Variants in SASH1 observed in about 807,000 individuals in gnomAD.
SASH1 encodes the protein SAM and SH3 domain containing 1.
SASH1 carries 44 observed loss-of-function variants against 125.2 expected under a neutral mutation model. The observed-to-expected ratio is 0.35, with a 90% CI of 0.28 to 0.45. The LOEUF (loss-of-function observed/expected upper bound fraction) is 0.45, where lower values mean the gene tolerates loss of function less well. Among genes scored for constraint, SASH1 ranks in the 20% least tolerant of loss-of-function variants. The pLI, the probability that SASH1 is intolerant of heterozygous loss-of-function variation, is 1.00. For synonymous variants in SASH1, 639 were observed against 649.1 expected (o/e 0.98, Z 0.24); for missense variants, 1,426 against 1,614.5 (o/e 0.88, Z 2.00).
At chr6:148,429,838 G>A (rs1775991672) in intron 2 of SASH1, among the ~76,000 whole-genome samples, 1 of 152,134 alleles carries the variant, frequency 6.6e-6, no homozygotes, top group Non-Finnish European at 1.5e-5. Flanking sequence ...GCTGTAGAAA[G>A]TAACATTCTC....
chr6:148,294,850 C>T (rs1345236504), intron 1 of SASH1, among the ~76,000 whole-genome samples: 1 of 152,130 alleles, frequency 6.6e-6, no homozygotes, highest in Non-Finnish European at 1.5e-5. Context: ...GGTTCCACAG[C>T]TCAGTAAGGT....
intron 7 of SASH1, among the ~76,000 whole-genome samples, chr6:148,483,404 A>G (rs1002260295): frequency 6.6e-6 from 1 of 152,196 alleles, no homozygotes; most frequent in African/African-American, 2.4e-5. Flanking sequence ...TCCATCCCCA[A>G]TATTGGAATT....
chr6:148,434,437 T>G (rs1006494578), intron 2 of SASH1, among the ~76,000 whole-genome samples: 1 of 152,234 alleles, frequency 6.6e-6, no homozygotes, highest in African/African-American at 2.4e-5. Flanking sequence ...GACTACATGC[T>G]TGTAAAAAAA....
At chr6:148,273,002 A>G (rs1236302963) in intron 1 of SASH1, among the ~76,000 whole-genome samples, 1 of 152,106 alleles carries the variant, frequency 6.6e-6, no homozygotes, top group African/African-American at 2.4e-5. Context: ...GCTCATGCCT[A>G]TAATCCCAGA....
chr6:148,487,486 C>A, intron 7 of SASH1, 128 bp from the exon 8 acceptor site: 1 of 676,158 alleles, frequency 1.5e-6, no homozygotes, highest in East Asian at 2.7e-5. Context: ...AAAGTGATCT[C>A]TGTGCTGCGT....
chr6:148,248,483 T>C, the SASH1 span, among the ~76,000 whole-genome samples: 1 of 152,184 alleles, frequency 6.6e-6, no homozygotes, highest in Non-Finnish European at 1.5e-5. Context: ...AGGGTACAAG[T>C]CCTCAAAATC....
At chr6:148,312,990 T>C (rs1348560208) in intron 1 of SASH1, among the ~76,000 whole-genome samples, 2 of 151,806 alleles carry the variant, frequency 1.3e-5, no homozygotes, top group Non-Finnish European at 2.9e-5. Flanking sequence ...TGTGCAAGGA[T>C]TGAGGAGGGA....
chr6:148,284,389 A>C (rs1779429357), intron 1 of SASH1, among the ~76,000 whole-genome samples: 1 of 152,214 alleles, frequency 6.6e-6, no homozygotes, highest in Non-Finnish European at 1.5e-5. Context: ...CAGTGAGCTG[A>C]GATCATGCCA....
Position 148,468,842 on chromosome 6 carries a change from G to A in SASH1, c.427+257G>A, listed in dbSNP as rs567919925. On this transcript the variant is annotated intron_variant, in intron 5 of 19. Transcript: ENST00000367467. ...TTTCCCATGACTGAATATTCTCTAC[G>A]TTAATACAGAAAAATTAGAAGCAAC... 1,000 of 328,042 alleles carry A rather than the reference G, an allele frequency of 3.0e-3. 6 individuals carry two copies. Among genetic ancestry groups the A allele is most frequent in the Middle Eastern group, 5.8e-3 (7 of 1,204 alleles). 20.3% of individuals were successfully genotyped at this position (328,042 alleles called of 1,614,324 possible).
rs13196292 is a variant in SASH1 at position 148,519,875 on chromosome 6, C to T, written c.1191C>T (p.Leu397=). Residue 397 remains leucine (L), a synonymous_variant, in exon 10 of 20, where the codon CTC becomes CTT. Transcript: ENST00000367467. The surrounding 1 kb of genome is among the most constrained non-coding windows in gnomAD (Gnocchi z 4.8). The part of the protein sequence containing the change: ...SLTEGEMKKG[L]GSLSHGRTCS... Reference sequence around the variant, plus strand: ...CCGAGGGGGAGATGAAGAAGGGTCTCGGGTCCCTAAGCCACGGGGTAAGTA... The same window carrying T: ...CCGAGGGGGAGATGAAGAAGGGTCTTGGGTCCCTAAGCCACGGGGTAAGTA... 137,099 of 1,579,974 alleles carry T rather than the reference C, an allele frequency of 0.087. 6,190 individuals are homozygous for T. The highest frequency in any genetic ancestry group is 0.1 in the South Asian group (8,975 of 87,434).
intron 1 of SASH1, among the ~76,000 whole-genome samples, chr6:148,387,905 A>ATTTTTTTTTT (rs71004291): frequency 1.9e-5 from 1 of 53,964 alleles, no homozygotes; most frequent in Non-Finnish European, 3.2e-5. Flanking sequence ...CGCCCTGCTA[A>ATTTTTTTTTT]TTTTTTTTTT....
chr6:148,367,892 G>T (rs1443673551), intron 1 of SASH1, among the ~76,000 whole-genome samples: 1 of 152,236 alleles, frequency 6.6e-6, no homozygotes, highest in East Asian at 1.9e-4. Flanking sequence ...TTCCCATGGG[G>T]CCTGTGGGTG....
chr6:148,198,007 G>A, the SASH1 span, among the ~76,000 whole-genome samples: 8 of 152,046 alleles, frequency 5.3e-5, no homozygotes, highest in South Asian at 4.2e-4. Context: ...CCAACACCAC[G>A]CCTGGCTCAT....
chr6:148,466,321 TC>T (rs1360048700), intron 4 of SASH1, among the ~76,000 whole-genome samples: 1 of 152,212 alleles, frequency 6.6e-6, no homozygotes, highest in African/African-American at 2.4e-5. Flanking sequence ...GTGCTGGTCA[TC>T]AACAGTTCTC....
intron 1 of SASH1, among the ~76,000 whole-genome samples, chr6:148,299,564 G>T (rs575075383): frequency 4.6e-5 from 7 of 151,626 alleles, no homozygotes; most frequent in Non-Finnish European, 1.0e-4. Flanking sequence ...CTACTCGGGG[G>T]GCTCAGGAAG....
chr6:148,337,858 C>T (rs994638722), upstream of SASH1, among the ~76,000 whole-genome samples: 7 of 152,116 alleles, frequency 4.6e-5, no homozygotes, highest in African/African-American at 1.7e-4. Context: ...TTTGTGACAA[C>T]AAATGTTTAT....
At chr6:148,438,615 T>C (rs1163838026) in intron 2 of SASH1, among the ~76,000 whole-genome samples, 1 of 151,330 alleles carries the variant, frequency 6.6e-6, no homozygotes, top group Non-Finnish European at 1.5e-5. Context: ...GAGTTGCCAG[T>C]TCATTAAATT....
Position 148,519,510 on chromosome 6 carries a change from G to C in SASH1, c.863-37G>C. On this transcript the variant is annotated intron_variant, in intron 9 of 19. Coordinates refer to ENST00000367467, the MANE Select transcript of SASH1 (RefSeq NM_015278.5). This position sits in a 1 kb window ranked among gnomAD's most constrained non-coding sequence, Gnocchi z 4.8. ...AGAAAGATGTATGCAAGAATGCAAA[G>C]GTGTGTTCACAAGAGACTCTGTTGG... The C allele has an allele frequency of 6.7e-7, 1 of 1,482,308 alleles. No homozygotes were observed. Among genetic ancestry groups the C allele is most frequent in the Non-Finnish European group, 9.4e-7 (1 of 1,067,310 alleles). 91.8% of individuals were successfully genotyped at this position (1,482,308 alleles called of 1,614,324 possible). A position where few individuals can be genotyped will look rare whatever the true frequency, so the allele number is the denominator to read the frequency against.
the SASH1 span, among the ~76,000 whole-genome samples, chr6:148,242,742 G>A: frequency 6.6e-6 from 1 of 152,086 alleles, no homozygotes; most frequent in Non-Finnish European, 1.5e-5. Context: ...AATATACTAT[G>A]GGGGCCTCAG....
Sources: allele counts gnomAD v4.1 joint callset (sites outside exome capture counted in the v4.1 genomes callset), GRCh38; gene constraint gnomAD v4.1.1; non-coding constraint Gnocchi (gnomAD v3.1); transcripts MANE v1.5; gene names NCBI Gene and HGNC (gene_info 2026-07-23, HGNC 2026-07-21).